Variants in RGPD3 observed in about 807,000 individuals in gnomAD.
The protein encoded by RGPD3 is ranBP2-like and GRIP domain-containing protein 3.
In RGPD3, 62 loss-of-function variants were observed where a neutral mutation model predicts 154.5. The observed-to-expected ratio is 0.40, with a 90% CI of 0.33 to 0.50. The LOEUF (loss-of-function observed/expected upper bound fraction) is 0.50, where lower values mean the gene tolerates loss of function less well. RGPD3 is among the 20% of genes least tolerant of loss of function. RGPD3 has a pLI of 0.59. For synonymous variants in RGPD3, 308 were observed against 607.0 expected (o/e 0.51, Z 7.24); for missense variants, 919 against 1,716.8 (o/e 0.54, Z 8.21).
intron 1 of RGPD3, among the ~76,000 whole-genome samples, chr2:106,464,310 C>A (rs1395291370): frequency 6.8e-6 from 1 of 146,606 alleles, no homozygotes; most frequent in Non-Finnish European, 1.5e-5. Context: ...CACTGCACTC[C>A]AGCCTGGACG....
rs1677118891 is a variant in RGPD3 at position 106,424,500 on chromosome 2, A to AGCTCTG, written c.3461_3466dup (p.Pro1154_Glu1155dup). 1 of 1,606,708 alleles carries AGCTCTG rather than the reference A, an allele frequency of 6.2e-7. No homozygotes were observed. Among genetic ancestry groups the AGCTCTG allele is most frequent in the Admixed American group, 1.7e-5 (1 of 59,772 alleles). On this transcript the variant is annotated inframe_insertion, in exon 20 of 23. Coordinates refer to ENST00000409886, the MANE Select transcript of RGPD3 (RefSeq NM_001144013.2). Reference sequence around the variant, plus strand: ...AAATTTCTGCTTGAATTCTTCAGCCAGCTCTGGTGTTTTAAATTTTGCTGC... The same window carrying AGCTCTG: ...AAATTTCTGCTTGAATTCTTCAGCCAGCTCTGGCTCTGGTGTTTTAAATTTTGCTGC...
chr2:106,446,487 G>A (rs574936812), intron 7 of RGPD3, among the ~76,000 whole-genome samples: 56 of 136,018 alleles, frequency 4.1e-4, no homozygotes, highest in African/African-American at 1.4e-3. Flanking sequence ...GGAAAATGGC[G>A]TGAACTCGGG....
rs1384795337 is a variant in RGPD3 at position 106,467,565 on chromosome 2, A to G, written c.72+652T>C. ...GCCGCCTCAACAGAGCGTGCCAGGGAGCAGCGCCCGTCGGGAGCCATGATG... is the reference window on the plus strand; with the variant it reads ...GCCGCCTCAACAGAGCGTGCCAGGGGGCAGCGCCCGTCGGGAGCCATGATG... On this transcript the variant is annotated intron_variant, in intron 1 of 22. Transcript: ENST00000409886. Among the ~76,000 whole-genome samples the G allele has an allele frequency of 8.2e-5, 11 of 133,538 alleles. 1 individual carries two copies. The highest frequency in any genetic ancestry group is 3.3e-4 in the African/African-American group (11 of 33,446). 87.6% of individuals were successfully genotyped at this position (133,538 alleles called of 152,430 possible). A position where few individuals can be genotyped will look rare whatever the true frequency, so the allele number is the denominator to read the frequency against.
In RGPD3 at chr2:106,425,061, G is replaced by A. The variant is rs757457002; in HGVS notation, c.2906C>T (p.Thr969Ile). 7 of 1,611,920 alleles carry A rather than the reference G, an allele frequency of 4.3e-6. No individual in the cohort carries two copies. In the Admixed American group the frequency reaches 6.7e-5, roughly 15 times the overall value. ...RGVIFGQTSSTFTFADVAKST... is the reference protein window; with the variant it reads ...RGVIFGQTSSIFTFADVAKST... ...TTTTGCAACATCTGCAAATGTAAAA[G>A]TGCTACTTGTTTGGCCAAAAATCAC... Residue 969 changes from threonine (T) to isoleucine (I), a missense_variant, in exon 20 of 23, where the codon ACT becomes ATT. Thr to Ile is a moderately conservative substitution (Grantham distance 89). Coordinates refer to ENST00000409886, the MANE Select transcript of RGPD3 (RefSeq NM_001144013.2).
At chr2:106,444,783 C>T (rs1171129779) in intron 7 of RGPD3, among the ~76,000 whole-genome samples, 2 of 150,644 alleles carry the variant, frequency 1.3e-5, no homozygotes, top group East Asian at 3.9e-4. Context: ...GAGCTATGAT[C>T]ATGCCACTGC....
chr2:106,460,409 T>A (rs1215579233), intron 1 of RGPD3, among the ~76,000 whole-genome samples: 2 of 150,796 alleles, frequency 1.3e-5, no homozygotes, highest in Non-Finnish European at 2.9e-5. Context: ...GCCTCAATAG[T>A]ACATGTACTG....
Position 106,436,122 on chromosome 2 carries a change from C to A in RGPD3, c.1758+1G>T. 3.7e-6 allele frequency: 6 copies of A among 1,603,716 alleles called. No individual in the cohort carries two copies. The highest frequency in any genetic ancestry group is 5.1e-6 in the Non-Finnish European group (6 of 1,177,624). On this transcript the variant is annotated splice_donor_variant, in intron 12 of 22. Transcript: ENST00000409886. LOFTEE classifies it high-confidence loss of function. ...TAAAATGCTTATACTTTAAAACTCA[C>A]CATTTTCTGAAGGCATTTTGCCCAA... is the stretch of plus-strand genomic sequence containing the variant.
chr2:106,469,429 C>T (rs80088935), upstream of RGPD3, among the ~76,000 whole-genome samples: 1 of 152,206 alleles, frequency 6.6e-6, no homozygotes, highest in African/African-American at 2.4e-5. Context: ...TTCCCCCTTT[C>T]AATGTTCCGC....
chr2:106,434,304 T>C lies in RGPD3; in HGVS notation c.2129A>G (p.Asn710Ser). 6.2e-7 allele frequency: 1 copy of C among 1,608,680 alleles called. No individual in the cohort carries two copies. The highest frequency in any genetic ancestry group is 8.5e-7 in the Non-Finnish European group (1 of 1,178,404). Residue 710 changes from asparagine (N) to serine (S), a missense_variant, in exon 15 of 23, where the codon AAT becomes AGT. Coordinates refer to ENST00000409886, the MANE Select transcript of RGPD3 (RefSeq NM_001144013.2). ...LSPEEQEECK[N>S]YLRKTRGYLI... is the part of the protein sequence containing the mutation. ...GTAGCCCCTGGTCTTTCTCAGATAA[T>C]TTTTGCATTCTTCTTGTTCTTCAGG...
rs1677104263 is a variant in RGPD3, at chr2:106,424,169, G to T, written c.3798C>A (p.Ser1266Arg). The change falls in exon 20 of 23, where the codon AGC becomes AGA. Residue 1266 changes from serine to arginine, a missense_variant. Ser to Arg is a moderately radical substitution (Grantham distance 110). Coordinates refer to ENST00000409886, the MANE Select transcript of RGPD3 (RefSeq NM_001144013.2). ...EDALDDSVSS[S>R]SVHASPLASS... ...TTGCCAATGGAGAAGCATGTACTGA[G>T]CTACTACTGACACTATCATCCAAAG... The T allele has an allele frequency of 1.9e-6, 3 of 1,611,546 alleles. No individual in the cohort carries two copies. Among genetic ancestry groups the T allele is most frequent in the African/African-American group, 2.7e-5 (2 of 74,776 alleles).
In RGPD3 at chr2:106,435,177, T is replaced by A; in HGVS notation, c.1784A>T (p.Asp595Val). ...ACTTCTCCCTATGTATTCTCGTTGA[T>A]CATAAAAAGAATTAAGACCGCTGCC... Reference protein sequence around the residue: ...KMGSGLNSFYDQREYIGRSVH... With the variant: ...KMGSGLNSFYVQREYIGRSVH... The change falls in exon 13 of 23, where the codon GAT (aspartate) becomes GTT (valine). Residue 595 changes from aspartate to valine, a missense_variant. By Grantham distance (152) the Asp-to-Val change is radical. Coordinates refer to ENST00000409886, the MANE Select transcript of RGPD3 (RefSeq NM_001144013.2). 1.2e-6 allele frequency: 2 copies of A among 1,605,096 alleles called. No homozygotes were observed. Among genetic ancestry groups the A allele is most frequent in the East Asian group, 2.2e-5 (1 of 44,782 alleles).
intron 1 of RGPD3, among the ~76,000 whole-genome samples, chr2:106,467,968 GC>G (rs1295896688): frequency 4.3e-5 from 6 of 140,238 alleles, no homozygotes; most frequent in Admixed American, 4.1e-4. Flanking sequence ...CATCGAGGCC[GC>G]CGCAGGGCCA....
chr2:106,459,419 T>G, intron 1 of RGPD3, 87 bp from the exon 2 acceptor site: 7 of 558,308 alleles, frequency 1.3e-5, no homozygotes, highest in South Asian at 2.0e-5. Flanking sequence ...GCCCTAAGTT[T>G]ATGTTCAAAT....
In RGPD3 at chr2:106,418,096, T is replaced by C. The variant is rs541549373; in HGVS notation, c.4925-2107A>G. Among the ~76,000 whole-genome samples the C allele has an allele frequency of 2.6e-4, 37 of 144,022 alleles. 4 individuals are homozygous for C. The highest frequency in any genetic ancestry group is 3.6e-4 in the Non-Finnish European group (24 of 66,114). 94.5% of individuals were successfully genotyped at this position (144,022 alleles called of 152,430 possible). ...TGAGCCAAGATCACGCCACTGCACT[T>C]CAGCCTGGTGACAGAGCAAGACTCC... On this transcript the variant is annotated intron_variant, in intron 20 of 22. Coordinates refer to ENST00000409886, the MANE Select transcript of RGPD3 (RefSeq NM_001144013.2).
chr2:106,457,012 C>T lies in RGPD3; in HGVS notation c.364G>A (p.Ala122Thr). The T allele has an allele frequency of 1.2e-6, 2 of 1,611,390 alleles. No individual in the cohort carries two copies. The highest frequency in any genetic ancestry group is 1.3e-5 in the African/African-American group (1 of 74,930). ...GCAGGACTTCCTGGGAAAAGTTTTG[C>T]TGCTCTTTCCACCCAGTATTCTGCT... ...GRAEYWVERA[A>T]KLFPGSPAIY... Residue 122 changes from alanine (A) to threonine (T), a missense_variant, in exon 4 of 23, where the codon GCA (alanine) becomes ACA (threonine). Physicochemically the swap from Ala to Thr is moderately conservative, Grantham distance 58. Transcript: ENST00000409886.
At chr2:106,408,797 C>T (rs1313401957) in intron 22 of RGPD3, among the ~76,000 whole-genome samples, 1 of 152,016 alleles carries the variant, frequency 6.6e-6, no homozygotes, top group African/African-American at 2.4e-5. Flanking sequence ...AAGAATCCTG[C>T]TGCCTTAGCC....
chr2:106,468,119 G>A (rs1219455940), intron 1 of RGPD3, 98 bp downstream of exon 1: 12 of 1,457,210 alleles, frequency 8.2e-6, no homozygotes, highest in East Asian at 2.7e-5. Context: ...GCGCTCGTCG[G>A]GAGCCATGAC....
intron 1 of RGPD3, among the ~76,000 whole-genome samples, chr2:106,464,280 G>T: frequency 6.7e-6 from 1 of 149,358 alleles, no homozygotes. Context: ...GGCAGAGTTT[G>T]CAGTGAGCCG....
At chr2:106,461,621 TAAG>T (rs1441091200) in intron 1 of RGPD3, among the ~76,000 whole-genome samples, 1 of 150,944 alleles carries the variant, frequency 6.6e-6, no homozygotes, top group Non-Finnish European at 1.5e-5. Context: ...ATACTGTGGA[TAAG>T]AAGGGACTAC....
Sources: gnomAD v4.1 joint callset for allele counts (sites outside exome capture counted in the v4.1 genomes callset) on GRCh38, gnomAD v4.1.1 for gene constraint, MANE v1.5 for transcripts, NCBI Gene and HGNC (gene_info 2026-07-23, HGNC 2026-07-21) for gene names.